WSCD1: variants seen among roughly 807,000 people sequenced by gnomAD.
WSCD1 encodes WSC domain sialate O sulfotransferase 1.
In WSCD1, 41 loss-of-function variants were observed where a neutral mutation model predicts 60.4. The observed-to-expected ratio is 0.68, with a 90% CI of 0.53 to 0.88. WSCD1 has a LOEUF of 0.88. WSCD1 is among the 40% of genes least tolerant of loss of function. The pLI is 0.00. For missense variants in WSCD1, 784 were observed against 796.2 expected (o/e 0.98, Z 0.18); for synonymous variants, 361 against 332.5 (o/e 1.09, Z -0.93).
intron 7 of WSCD1, among the ~76,000 whole-genome samples, chr17:6,115,297 CA>C (rs1911630865): frequency 6.6e-6 from 1 of 152,198 alleles, no homozygotes; most frequent in East Asian, 1.9e-4. Flanking sequence ...TTAGAACCCT[CA>C]ATAATTAGGG....
At chr17:6,087,942 C>T (rs1221379894) in intron 2 of WSCD1, 48 bp from the exon 3 acceptor site, 4 of 1,488,534 alleles carry the variant, frequency 2.7e-6, no homozygotes, top group Non-Finnish European at 3.7e-6. Context: ...TAAGGGTGGG[C>T]CCATGATTCC....
intron 5 of WSCD1, among the ~76,000 whole-genome samples, chr17:6,106,175 A>G (rs575772470): frequency 3.9e-5 from 6 of 152,388 alleles, no homozygotes; most frequent in African/African-American, 1.4e-4. Context: ...AAAGAGGCAG[A>G]CAACCAACCA....
chr17:6,093,674 C>A (rs1384736308), intron 4 of WSCD1, among the ~76,000 whole-genome samples: 1 of 152,216 alleles, frequency 6.6e-6, no homozygotes, highest in Non-Finnish European at 1.5e-5. Flanking sequence ...CACCAAAAGC[C>A]AGGGCAGACA....
At chr17:6,070,295 C>G (rs1181427740), upstream of WSCD1, 1 of 149,140 alleles carries the variant, frequency 6.7e-6, no homozygotes, top group African/African-American at 2.4e-5. Flanking sequence ...CGACCCCTCC[C>G]CCGGGCGGCG....
chr17:6,096,602 C>T (rs986551512), intron 5 of WSCD1, among the ~76,000 whole-genome samples: 3 of 152,214 alleles, frequency 2.0e-5, no homozygotes, highest in East Asian at 1.9e-4. Context: ...AGGGCACCCA[C>T]GACACAATTA....
intron 4 of WSCD1, among the ~76,000 whole-genome samples, chr17:6,093,037 G>A (rs928419345): frequency 2.0e-5 from 3 of 152,260 alleles, no homozygotes; most frequent in African/African-American, 7.2e-5. Context: ...TTCACAAGGA[G>A]TAAGACCCAT....
In WSCD1 at chr17:6,120,527, G is replaced by A. The variant is rs141472568; in HGVS notation, c.1594G>A (p.Gly532Ser). 167 of 1,613,722 alleles carry A rather than the reference G, an allele frequency of 1.0e-4. No individual in the cohort carries two copies. The highest frequency in any genetic ancestry group is 1.6e-4 in the Middle Eastern group (1 of 6,062). Residue 532 changes from glycine to serine, a missense_variant, in exon 9 of 9, where the codon GGC becomes AGC. Gly to Ser is a moderately conservative substitution (Grantham distance 56). Coordinates refer to ENST00000317744, the MANE Select transcript of WSCD1 (RefSeq NM_015253.2). ...NNKEGSFRRR[G>S]RRSHDPEPFT... ...CAAGGAGGGCAGCTTCCGGCGGCGC[G>A]GCCGGCGCTCCCACGACCCTGAGCC...
At chr17:6,103,590 C>G (rs1910926941) in intron 5 of WSCD1, among the ~76,000 whole-genome samples, 2 of 152,194 alleles carry the variant, frequency 1.3e-5, no homozygotes, top group African/African-American at 4.8e-5. Context: ...CACAGGGTCC[C>G]CTGGAGACAC....
At chr17:6,094,589 GAGGAAGGAAGGAAGGAAGGAGA>G (rs1188046854) in intron 4 of WSCD1, among the ~76,000 whole-genome samples, 17 of 131,828 alleles carry the variant, frequency 1.3e-4, no homozygotes, top group Non-Finnish European at 2.6e-4. Flanking sequence ...AGAAGGAAGG[GAGGAAGGAAGGAAGGAAGGAGA>G]AGGAAGGAAG....
At chr17:6,083,778 C>CA (rs1909437460) in intron 2 of WSCD1, among the ~76,000 whole-genome samples, 1 of 151,784 alleles carries the variant, frequency 6.6e-6, no homozygotes, top group African/African-American at 2.4e-5. Flanking sequence ...GACCCTGTCT[C>CA]AAAAAATATA....
chr17:6,120,458 A>C lies in WSCD1; in HGVS notation c.1525A>C (p.Asn509His). 6.2e-7 allele frequency: 1 copy of C among 1,613,994 alleles called. No individual in the cohort carries two copies. The highest frequency in any genetic ancestry group is 8.5e-7 in the Non-Finnish European group (1 of 1,179,970). Residue 509 changes from asparagine to histidine, a missense_variant, in exon 9 of 9, where the codon AAC (asparagine) becomes CAC (histidine). By Grantham distance (68) the Asn-to-His change is moderately conservative. Transcript: ENST00000317744. ...PTLREMVAFLNVSVSEERLLC... is the reference protein window; with the variant it reads ...PTLREMVAFLHVSVSEERLLC... ...GTTACGGGAGATGGTGGCCTTCCTC[A>C]ACGTGTCTGTGAGCGAGGAGCGGCT...
chr17:6,074,875 T>C (rs1908749912), intron 1 of WSCD1, among the ~76,000 whole-genome samples: 1 of 149,662 alleles, frequency 6.7e-6, no homozygotes, highest in Non-Finnish European at 1.5e-5. Flanking sequence ...CTTTCTTAGA[T>C]GGAAAGGGGA....
At chr17:6,070,176 GT>G (rs1908436974), upstream of WSCD1, among the ~76,000 whole-genome samples, 1 of 150,916 alleles carries the variant, frequency 6.6e-6, no homozygotes, top group Non-Finnish European at 1.5e-5. Flanking sequence ...GTGTGTGTGT[GT>G]ATCAGAGTGG....
chr17:6,099,204 T>C (rs1910639021), intron 5 of WSCD1, among the ~76,000 whole-genome samples: 1 of 151,974 alleles, frequency 6.6e-6, no homozygotes, highest in Non-Finnish European at 1.5e-5. Flanking sequence ...CCCCAAACCA[T>C]CTCTTTTCTA....
At chr17:6,117,397 G>A (rs1258457244) in intron 7 of WSCD1, among the ~76,000 whole-genome samples, 1 of 152,200 alleles carries the variant, frequency 6.6e-6, no homozygotes, top group Non-Finnish European at 1.5e-5. Context: ...CAGGTCAGAG[G>A]GTGGATCTAT....
chr17:6,109,560 C>T (rs1368674340), intron 5 of WSCD1, 47 bp from the exon 6 acceptor site: 2 of 1,595,284 alleles, frequency 1.3e-6, no homozygotes, highest in Non-Finnish European at 1.7e-6. Context: ...GGAAGCATGA[C>T]CCTCAAATTC....
rs1441136686 is a variant in WSCD1, at chr17:6,120,480, G to A, written c.1547G>A (p.Arg516Gln). Residue 516 changes from arginine to glutamine, a missense_variant, in exon 9 of 9, where the codon CGG becomes CAG. Transcript: ENST00000317744. Reference protein sequence around the residue: ...AFLNVSVSEERLLCVENNKEG... With the variant: ...AFLNVSVSEEQLLCVENNKEG... ...CTCAACGTGTCTGTGAGCGAGGAGCGGCTGCTCTGCGTGGAGAACAACAAG... is the reference window on the plus strand; with the variant it reads ...CTCAACGTGTCTGTGAGCGAGGAGCAGCTGCTCTGCGTGGAGAACAACAAG... 30 of 1,613,878 alleles carry A rather than the reference G, an allele frequency of 1.9e-5. No individual in the cohort carries two copies. The highest frequency in any genetic ancestry group is 2.4e-5 in the Non-Finnish European group (28 of 1,180,026).
chr17:6,113,401 C>T lies in WSCD1; in HGVS notation c.1174+2466C>T, dbSNP rs78735626. On this transcript the variant is annotated intron_variant, in intron 7 of 8. Transcript: ENST00000317744. Reference sequence around the variant, plus strand: ...AATCTATTAAACTGCTAGAAGAAAACGGGGAATATTTCAGGACATTGGTCT... The same window carrying T: ...AATCTATTAAACTGCTAGAAGAAAATGGGGAATATTTCAGGACATTGGTCT... 1.6e-3 allele frequency among the ~76,000 whole-genome samples: 247 copies of T among 152,218 alleles called. 8 individuals carry two copies. The East Asian group carries it at 0.042, about 26-fold the overall frequency.
rs374577792 is a variant in WSCD1 at position 6,107,512 on chromosome 17, GA to G, written c.850-2085del. The stretch of plus-strand genomic sequence containing the variant: ...TGAGACTCTGTCTCAAAAAGGAGAA[GA>G]AAAAAAAAAGATCCTACATCCAAAT... On this transcript the variant is annotated intron_variant, in intron 5 of 8. Coordinates refer to ENST00000317744, the MANE Select transcript of WSCD1 (RefSeq NM_015253.2). Among the ~76,000 whole-genome samples the G allele has an allele frequency of 5.0e-3, 739 of 147,434 alleles. 10 individuals are homozygous for G. Among genetic ancestry groups the G allele is most frequent in the African/African-American group, 0.017 (674 of 40,210 alleles).
Sources: allele counts gnomAD v4.1 joint callset (sites outside exome capture counted in the v4.1 genomes callset), GRCh38; gene constraint gnomAD v4.1.1; transcripts MANE v1.5; gene names NCBI Gene and HGNC (gene_info 2026-07-23, HGNC 2026-07-21).